MYO18A: variants seen among roughly 807,000 people sequenced by gnomAD.
MYO18A encodes the protein unconventional myosin-XVIIIa.
A neutral mutation model predicts 235.8 loss-of-function variants in MYO18A; 78 were observed. The observed-to-expected ratio is 0.33, with a 90% CI of 0.28 to 0.40. The LOEUF is 0.40. Ranked by LOEUF, MYO18A falls within the 10% of genes least tolerant of loss-of-function variation. The pLI is 1.00. For missense variants in MYO18A, 2,215 were observed against 2,699.3 expected, an observed-to-expected ratio of 0.82 and a Z score of 3.98; for synonymous variants, 977 against 1,077.8, an observed-to-expected ratio of 0.91 and a Z score of 1.83.
At chr17:29,110,719 C>A in intron 17 of MYO18A, 97 bp from the exon 18 acceptor site, 1 of 1,262,142 alleles carries the variant, frequency 7.9e-7, no homozygotes. Context: ...TAAACAGTCC[C>A]ATTCAGCCAC....
chr17:29,114,792 G>T, intron 14 of MYO18A, 115 bp downstream of exon 14: 1 of 1,137,222 alleles, frequency 8.8e-7, no homozygotes, highest in Non-Finnish European at 1.2e-6. Flanking sequence ...GCTCCAGAGA[G>T]CGCAGGAGGA....
In MYO18A at chr17:29,103,622, T is replaced by C; in HGVS notation, c.3484A>G (p.Ser1162Gly). Residue 1162 changes from serine (S) to glycine (G), a missense_variant, in exon 21 of 42, where the codon AGC (serine) becomes GGC (glycine). Coordinates refer to ENST00000527372, the MANE Select transcript of MYO18A (RefSeq NM_078471.4). ...ACCCGGCTCAGGCCCATGCAGCAGC[T>C]GCTCTTCTCCAGATCCAAGCACTCC... Reference protein sequence around the residue: ...LLECLDLEKSSCCMGLSRVFF... With the variant: ...LLECLDLEKSGCCMGLSRVFF... 1 of 1,613,906 alleles carries C rather than the reference T, an allele frequency of 6.2e-7. No homozygotes were observed. Among genetic ancestry groups the C allele is most frequent in the African/African-American group, 1.3e-5 (1 of 75,074 alleles).
At position 29,111,501 on chromosome 17, in the gene MYO18A, A is replaced by T; in HGVS notation, c.2823T>A (p.Asn941Lys). 6.2e-7 allele frequency: 1 copy of T among 1,613,252 alleles called. No individual in the cohort carries two copies. Among genetic ancestry groups the T allele is most frequent in the Non-Finnish European group, 8.5e-7 (1 of 1,179,632 alleles). ...TGGTGTAGTTCAGCCAGCCAGTCACATTGTACTCTACCCAGTTGGTGCCAT... is the reference window on the plus strand; with the variant it reads ...TGGTGTAGTTCAGCCAGCCAGTCACTTTGTACTCTACCCAGTTGGTGCCAT... ...HSHGTNWVEY[N>K]VTGWLNYTKQ... The change falls in exon 17 of 42, where the codon AAT (asparagine) becomes AAA (lysine). Residue 941 changes from asparagine to lysine, a missense_variant. By Grantham distance (94) the Asn-to-Lys change is moderately conservative. Coordinates refer to ENST00000527372, the MANE Select transcript of MYO18A (RefSeq NM_078471.4). This position sits in a 1 kb window ranked among gnomAD's most constrained non-coding sequence, Gnocchi z 5.1.
intron 1 of MYO18A, among the ~76,000 whole-genome samples, chr17:29,171,905 G>GAAAA (rs71762070): frequency 1.9e-5 from 2 of 103,296 alleles, no homozygotes; most frequent in African/African-American, 3.6e-5. Flanking sequence ...AAGAAAGAAA[G>GAAAA]AAAAAAAAAA....
chr17:29,097,414 G>T (rs2066546020), intron 26 of MYO18A, 64 bp from the exon 27 acceptor site: 1 of 1,584,916 alleles, frequency 6.3e-7, no homozygotes, highest in African/African-American at 1.3e-5. Flanking sequence ...GGGCAGAGGG[G>T]AAGGAGGATG....
chr17:29,149,841 T>C (rs777141063), intron 2 of MYO18A, among the ~76,000 whole-genome samples: 4 of 152,162 alleles, frequency 2.6e-5, no homozygotes, highest in Non-Finnish European at 4.4e-5. Flanking sequence ...CTGCCCCACA[T>C]CTCATCAGGA....
At chr17:29,124,328 G>T (rs1444338278) in intron 2 of MYO18A, among the ~76,000 whole-genome samples, 2 of 152,252 alleles carry the variant, frequency 1.3e-5, no homozygotes, top group African/African-American at 4.8e-5. Context: ...TCTCCAGAGT[G>T]AGCAGAGTTG....
chr17:29,139,900 C>G (rs984085905), intron 2 of MYO18A, among the ~76,000 whole-genome samples: 2 of 152,148 alleles, frequency 1.3e-5, no homozygotes, highest in Non-Finnish European at 2.9e-5. Flanking sequence ...AAGAGCTATA[C>G]CAGCAACAAA....
At position 29,116,532 on chromosome 17, in the gene MYO18A, G is replaced by A. The variant is rs980436492; in HGVS notation, c.2039-77C>T. The A allele has an allele frequency of 2.1e-4, 331 of 1,573,472 alleles. 1 individual carries two copies. The highest frequency in any genetic ancestry group is 1.6e-3 in the Admixed American group (97 of 59,828). On this transcript the variant is annotated intron_variant, in intron 10 of 41. Transcript: ENST00000527372. ...CAAACAGTCATCAATAGAGCTCGCC[G>A]CCTCGGAGGGACCGTGGGGCGGGGG...
intron 11 of MYO18A, 63 bp downstream of exon 11, chr17:29,116,381 G>T: frequency 6.3e-7 from 1 of 1,595,196 alleles, no homozygotes; most frequent in East Asian, 2.2e-5. Context: ...AGACATATGT[G>T]CCTCAGCCAA....
chr17:29,106,545 C>CT lies in MYO18A; in HGVS notation c.3441+534dup, dbSNP rs2066789456. Among the ~76,000 whole-genome samples the CT allele has an allele frequency of 6.6e-6, 1 of 152,194 alleles. No individual in the cohort carries two copies. Among genetic ancestry groups the CT allele is most frequent in the African/African-American group, 2.4e-5 (1 of 41,440 alleles). ...TCTGCTCTGGGAGCCCTGTGACTGT[C>CT]TAAGGGGCTGCCTCTGGGGCTCAAG... On this transcript the variant is annotated intron_variant, in intron 20 of 41. Transcript: ENST00000527372. This position sits in a 1 kb window ranked among gnomAD's most constrained non-coding sequence, Gnocchi z 4.6.
Position 29,083,511 on chromosome 17 carries a change from C to T in MYO18A, c.5898-1073G>A, listed in dbSNP as rs1483426793. Among the ~76,000 whole-genome samples the T allele has an allele frequency of 2.2e-5, 3 of 133,536 alleles. No homozygotes were observed. In the Admixed American group the frequency reaches 2.3e-4, roughly 10 times the overall value. 87.6% of individuals were successfully genotyped at this position (133,536 alleles called of 152,430 possible). A position where few individuals can be genotyped will look rare whatever the true frequency, so the allele number is the denominator to read the frequency against. ...TTATGTTCTTAAATAAACAGCCACA[C>T]AGGCATGTGTGCGCGCGCGCGCACA... On this transcript the variant is annotated intron_variant, in intron 40 of 41. Transcript: ENST00000527372.
intron 2 of MYO18A, among the ~76,000 whole-genome samples, chr17:29,127,245 A>G (rs765237191): frequency 1.3e-5 from 2 of 152,210 alleles, no homozygotes; most frequent in Non-Finnish European, 1.5e-5. Flanking sequence ...ATGCCCCTGT[A>G]GTGTGAATAT....
intron 22 of MYO18A, among the ~76,000 whole-genome samples, 172 bp downstream of exon 22, chr17:29,099,462 T>C (rs1382020545): frequency 6.6e-6 from 1 of 152,128 alleles, no homozygotes; most frequent in East Asian, 1.9e-4. Flanking sequence ...GCCCCGTCGC[T>C]GGGCACACCA....
rs1214287385 is a variant in MYO18A at position 29,097,899 on chromosome 17, T to C, written c.3991A>G (p.Thr1331Ala). 1 of 1,611,872 alleles carries C rather than the reference T, an allele frequency of 6.2e-7. No homozygotes were observed. Among genetic ancestry groups the C allele is most frequent in the Non-Finnish European group, 8.5e-7 (1 of 1,178,698 alleles). The change falls in exon 26 of 42, where the codon ACC (threonine) becomes GCC (alanine). Residue 1331 changes from threonine (T) to alanine (A), a missense_variant and splice_region_variant. By Grantham distance (58) the Thr-to-Ala change is moderately conservative. Coordinates refer to ENST00000527372, the MANE Select transcript of MYO18A (RefSeq NM_078471.4). ...RAEKEMKELQ[T>A]QYDALKKQME... is the part of the protein sequence containing the mutation. ...TGCTTCTTCAGTGCATCGTACTGGG[T>C]CTGCAGAAGACAGGGTTTCAGGGTG...
chr17:29,084,661 C>T (rs114315763), intron 40 of MYO18A, among the ~76,000 whole-genome samples: 3,499 of 152,232 alleles, frequency 0.023, 117 homozygotes, highest in African/African-American at 0.079. Context: ...CAGGCTCCAG[C>T]GGCCCTCTAT....
In MYO18A at chr17:29,163,592, T is replaced by C. The variant is rs201480930; in HGVS notation, c.999+2350A>G. ...CAGGGATACCAGCTATAACTTGGAATCCACCAGGGCCTCCAAAGCTAAACC... is the reference window on the plus strand; with the variant it reads ...CAGGGATACCAGCTATAACTTGGAACCCACCAGGGCCTCCAAAGCTAAACC... On this transcript the variant is annotated intron_variant, in intron 2 of 41. Coordinates refer to ENST00000527372, the MANE Select transcript of MYO18A (RefSeq NM_078471.4). Among the ~76,000 whole-genome samples, 12 of 152,276 alleles carry C rather than the reference T, an allele frequency of 7.9e-5. No homozygotes were observed. In the East Asian group the frequency reaches 1.5e-3, roughly 20 times the overall value.
rs1205344844 is a variant in MYO18A, at chr17:29,099,512, C to G, written c.3636+122G>C. 3.0e-6 allele frequency: 4 copies of G among 1,337,126 alleles called. No homozygotes were observed. In the African/African-American group the frequency reaches 5.9e-5, roughly 20 times the overall value. 82.8% of individuals were successfully genotyped at this position (1,337,126 alleles called of 1,614,324 possible). A position where few individuals can be genotyped will look rare whatever the true frequency, so the allele number is the denominator to read the frequency against. On this transcript the variant is annotated intron_variant, in intron 22 of 41. Transcript: ENST00000527372. ...ACCAGGGAGCTGCCTGTTCCCCACC[C>G]TGGCCCAGGACATGGTGCCCTGGGA...
At chr17:29,139,442 A>T (rs1488329781) in intron 2 of MYO18A, among the ~76,000 whole-genome samples, 2 of 152,122 alleles carry the variant, frequency 1.3e-5, no homozygotes, top group Admixed American at 1.3e-4. Context: ...CCCCGGGCAT[A>T]CTGCCCACAC....
Sources: gnomAD v4.1 joint callset for allele counts (sites outside exome capture counted in the v4.1 genomes callset) on GRCh38, gnomAD v4.1.1 for gene constraint, Gnocchi (gnomAD v3.1) non-coding constraint, MANE v1.5 for transcripts, NCBI Gene and HGNC (gene_info 2026-07-23, HGNC 2026-07-21) for gene names.